The following GNA14 variants were observed in gnomAD, a reference collection of about 807,000 sequenced individuals.
The protein encoded by GNA14 is G protein subunit alpha 14.
In GNA14, 50 loss-of-function variants were observed where a neutral mutation model predicts 42.0. That is an observed-to-expected ratio of 1.19 (90% CI 0.95 to 1.51). GNA14 has a LOEUF of 1.51. GNA14 is among the 40% of genes most tolerant of loss of function. The pLI is 0.00. For synonymous variants in GNA14, 173 were observed against 163.1 expected, an observed-to-expected ratio of 1.06 and a Z score of -0.46; for missense variants, 473 against 446.2, an observed-to-expected ratio of 1.06 and a Z score of -0.54.
intron 1 of GNA14, among the ~76,000 whole-genome samples, chr9:77,539,061 G>T (rs988126122): frequency 6.6e-5 from 10 of 152,204 alleles, no homozygotes; most frequent in Admixed American, 3.9e-4. Flanking sequence ...TAGGAGTGGT[G>T]AAAGTGGGCA....
intron 1 of GNA14, among the ~76,000 whole-genome samples, chr9:77,585,305 A>G (rs898539068): frequency 1.3e-5 from 2 of 152,220 alleles, no homozygotes; most frequent in African/African-American, 4.8e-5. Context: ...TTGAGAAACT[A>G]CAGACACAGA....
chr9:77,641,007 A>C (rs1290314367), intron 1 of GNA14, among the ~76,000 whole-genome samples: 2 of 145,202 alleles, frequency 1.4e-5, no homozygotes, highest in Admixed American at 1.4e-4. Flanking sequence ...GAAGTAAAAA[A>C]TCATTGAGGG....
At chr9:77,531,682 A>C (rs1243217619) in intron 1 of GNA14, among the ~76,000 whole-genome samples, 2 of 150,060 alleles carry the variant, frequency 1.3e-5, no homozygotes, top group Admixed American at 1.3e-4. Context: ...TGAAGCCAGA[A>C]AAATCACTCA....
intron 5 of GNA14, among the ~76,000 whole-genome samples, chr9:77,427,619 G>A (rs562151257): frequency 8.5e-5 from 13 of 152,364 alleles, no homozygotes; most frequent in African/African-American, 2.9e-4. Context: ...AGGAGGACAT[G>A]AGTGTTCCAC....
intron 1 of GNA14, among the ~76,000 whole-genome samples, chr9:77,607,778 G>A (rs1360890085): frequency 6.6e-6 from 1 of 152,060 alleles, no homozygotes; most frequent in Non-Finnish European, 1.5e-5. Context: ...TGGCTTGCAG[G>A]CACTGGCCTT....
intron 2 of GNA14, among the ~76,000 whole-genome samples, chr9:77,481,303 T>C (rs956933375): frequency 6.6e-6 from 1 of 152,246 alleles, no homozygotes; most frequent in Non-Finnish European, 1.5e-5. Flanking sequence ...CATTTTGTTA[T>C]GTATCCAGTA....
intron 1 of GNA14, among the ~76,000 whole-genome samples, chr9:77,632,972 G>A (rs1824122658): frequency 6.6e-6 from 1 of 152,140 alleles, no homozygotes; most frequent in African/African-American, 2.4e-5. Flanking sequence ...CAGCCACAGA[G>A]GTTTCCAGAC....
intron 2 of GNA14, among the ~76,000 whole-genome samples, chr9:77,527,644 GT>G (rs1302558934): frequency 2.0e-5 from 3 of 152,048 alleles, no homozygotes; most frequent in African/African-American, 7.2e-5. Context: ...GTTTTGTTTT[GT>G]TTTTTGAGAC....
At chr9:77,607,449 G>T (rs1263605966) in intron 1 of GNA14, among the ~76,000 whole-genome samples, 1 of 152,132 alleles carries the variant, frequency 6.6e-6, no homozygotes. Context: ...CTGTAGTAAG[G>T]TTCTCAAGGA....
intron 1 of GNA14, among the ~76,000 whole-genome samples, chr9:77,638,818 G>A (rs1376610061): frequency 2.0e-5 from 3 of 152,202 alleles, no homozygotes; most frequent in Non-Finnish European, 1.5e-5. Context: ...TTGGATAGGG[G>A]AAGAAGTGGT....
At chr9:77,552,126 CAAAAAAAAAAAA>C (rs34493872) in intron 1 of GNA14, among the ~76,000 whole-genome samples, 1 of 85,092 alleles carries the variant, frequency 1.2e-5, no homozygotes, top group Non-Finnish European at 2.3e-5. Context: ...AACTCCATCT[CAAAAAAAAAAAA>C]AAAAAAAAGA....
chr9:77,427,362 C>T (rs1211530696), intron 5 of GNA14, among the ~76,000 whole-genome samples: 2 of 150,950 alleles, frequency 1.3e-5, no homozygotes, highest in Admixed American at 6.6e-5. Context: ...GAGGGCTGGG[C>T]GACAGCCAGC....
intron 2 of GNA14, among the ~76,000 whole-genome samples, chr9:77,525,724 G>C (rs932029795): frequency 4.7e-5 from 7 of 150,346 alleles, no homozygotes; most frequent in Non-Finnish European, 7.4e-5. Flanking sequence ...ATTTTTAGTA[G>C]AGACGGGGTT....
chr9:77,504,498 A>G (rs1837029869), intron 2 of GNA14, among the ~76,000 whole-genome samples: 1 of 151,270 alleles, frequency 6.6e-6, no homozygotes, highest in African/African-American at 2.4e-5. Context: ...GTTCCTCACC[A>G]AAAGAAATGG....
intron 2 of GNA14, among the ~76,000 whole-genome samples, chr9:77,491,978 T>C (rs983171338): frequency 1.3e-5 from 2 of 152,110 alleles, no homozygotes; most frequent in Non-Finnish European, 2.9e-5. Context: ...CATGATGGAA[T>C]AAAACTAGGA....
intron 1 of GNA14, among the ~76,000 whole-genome samples, chr9:77,574,623 G>C (rs1300763674): frequency 2.6e-5 from 4 of 152,140 alleles, no homozygotes; most frequent in African/African-American, 7.2e-5. Context: ...AACTGACACT[G>C]TCAGGAATAT....
At chr9:77,539,069 G>A (rs946803663) in intron 1 of GNA14, among the ~76,000 whole-genome samples, 25 of 152,280 alleles carry the variant, frequency 1.6e-4, no homozygotes, top group African/African-American at 5.8e-4. Context: ...GTGAAAGTGG[G>A]CATCCTTGTC....
intron 2 of GNA14, among the ~76,000 whole-genome samples, chr9:77,477,436 G>A (rs745978948): frequency 1.3e-5 from 2 of 152,186 alleles, no homozygotes; most frequent in African/African-American, 2.4e-5. Context: ...CCATTCCCCT[G>A]CTGAGAATAT....
intron 1 of GNA14, among the ~76,000 whole-genome samples, chr9:77,572,631 A>G (rs946467716): frequency 6.6e-6 from 1 of 152,112 alleles, no homozygotes; most frequent in African/African-American, 2.4e-5. Context: ...CTAGCAACAA[A>G]TACAACAAAT....
Sources: gnomAD v4.1 joint callset for allele counts (sites outside exome capture counted in the v4.1 genomes callset) on GRCh38, gnomAD v4.1.1 for gene constraint, MANE v1.5 for transcripts, NCBI Gene and HGNC (gene_info 2026-07-23, HGNC 2026-07-21) for gene names.